DIPK2B: variants seen among roughly 807,000 people sequenced by gnomAD.
The protein encoded by DIPK2B is divergent protein kinase domain 2B, also known as UPF0672 protein CXorf36.
Under a neutral mutation model 22.2 loss-of-function variants are expected in DIPK2B, and 15 were observed. The observed-to-expected ratio is 0.68, with a 90% CI of 0.45 to 1.04. The LOEUF is 1.04. DIPK2B is among the 50% of genes least tolerant of loss of function. DIPK2B has a pLI of 0.00. For synonymous variants in DIPK2B, 163 were observed against 153.2 expected, an observed-to-expected ratio of 1.06 and a Z score of -0.47; for missense variants, 345 against 348.3, an observed-to-expected ratio of 0.99 and a Z score of 0.08.
intron 1 of DIPK2B, among the ~76,000 whole-genome samples, chrX:45,192,418 A>T (rs1277401364): frequency 9.0e-6 from 1 of 110,883 alleles, no homozygotes; most frequent in Non-Finnish European, 1.9e-5. Flanking sequence ...AAGGTCAGAC[A>T]ATATGTTGCC....
rs755230493 is a variant in DIPK2B, at chrX:45,187,303, C to A, written c.498+4448G>T. Among the ~76,000 whole-genome samples the A allele has an allele frequency of 4.4e-5, 5 of 112,425 alleles. No homozygotes were observed. The East Asian group carries it at 1.4e-3, about 32-fold the overall frequency. On this transcript the variant is annotated intron_variant, in intron 2 of 4. Transcript: ENST00000398000. ...GAAGCCTTCTTTGTGGTTTTGTGAA[C>A]AAGCACCTTATCATAAACTCTGAGC...
At chrX:45,178,971 G>A (rs1240040699) in intron 2 of DIPK2B, among the ~76,000 whole-genome samples, 1 of 111,358 alleles carries the variant, frequency 9.0e-6, no homozygotes, top group Admixed American at 9.6e-5. Flanking sequence ...CATGTCTTAG[G>A]AGTAAGGGTG....
chrX:45,197,204 T>TGA (rs991298422), intron 1 of DIPK2B, among the ~76,000 whole-genome samples: 15 of 109,857 alleles, frequency 1.4e-4, no homozygotes, highest in African/African-American at 2.7e-4. Flanking sequence ...TTTTTTTTTT[T>TGA]GAGAGAGAGT....
intron 1 of DIPK2B, among the ~76,000 whole-genome samples, chrX:45,192,651 CA>C (rs1176791651): frequency 8.9e-6 from 1 of 111,860 alleles, no homozygotes; most frequent in East Asian, 2.8e-4. Context: ...TCAGCACCAA[CA>C]AAGTCTCAGG....
chrX:45,163,736 A>G, intron 2 of DIPK2B: 5 of 758,065 alleles, frequency 6.6e-6, no homozygotes, highest in Non-Finnish European at 7.8e-6. Context: ...TTCATCCATC[A>G]CTAGGGCAAG....
intron 2 of DIPK2B, among the ~76,000 whole-genome samples, chrX:45,172,542 CTCTT>C (rs1415301204): frequency 6.3e-5 from 7 of 111,235 alleles, no homozygotes; most frequent in Non-Finnish European, 1.1e-4. Context: ...CTATTAAAGA[CTCTT>C]TCTTTCCTCT....
At chrX:45,163,436 G>A (rs1039739641) in intron 2 of DIPK2B, 22 of 751,685 alleles carry the variant, frequency 2.9e-5, no homozygotes, top group Middle Eastern at 7.5e-4. Flanking sequence ...AATGAAGACC[G>A]AAATCTAGAT....
At chrX:45,189,549 G>A (rs933305169) in intron 2 of DIPK2B, among the ~76,000 whole-genome samples, 2 of 111,801 alleles carry the variant, frequency 1.8e-5, no homozygotes, top group African/African-American at 3.3e-5. Context: ...GGAGGCAGAG[G>A]TTGCACTGAG....
In DIPK2B at chrX:45,195,246, C is replaced by T. The variant is rs927795108; in HGVS notation, c.234-3231G>A. ...AACCACAAAACAGAGACAGCATTCT[C>T]ATCTTCCTTCTAAATTGAGATCATG... On this transcript the variant is annotated intron_variant, in intron 1 of 4. Transcript: ENST00000398000. Among the ~76,000 whole-genome samples, 3 of 111,839 alleles carry T rather than the reference C, an allele frequency of 2.7e-5. No individual in the cohort carries two copies. The Admixed American group carries it at 2.8e-4, about 11-fold the overall frequency.
chrX:45,182,066 C>A (rs4641192), intron 2 of DIPK2B, among the ~76,000 whole-genome samples: 3,066 of 76,938 alleles, frequency 0.04, 131 homozygotes, highest in African/African-American at 0.13. Context: ...GACAGAGACA[C>A]CCTGTCTCAA....
intron 2 of DIPK2B, among the ~76,000 whole-genome samples, chrX:45,189,435 G>C (rs781101582): frequency 1.8e-5 from 2 of 111,395 alleles, no homozygotes; most frequent in South Asian, 3.8e-4. Flanking sequence ...CCAATATGGT[G>C]AAACTCTGTC....
chrX:45,170,330 G>C (rs2047074232), intron 2 of DIPK2B, among the ~76,000 whole-genome samples: 1 of 111,063 alleles, frequency 9.0e-6, no homozygotes, highest in Non-Finnish European at 1.9e-5. Context: ...TGTGGCCCAG[G>C]GACAGGTGGC....
intron 2 of DIPK2B, among the ~76,000 whole-genome samples, chrX:45,166,071 G>A (rs2047047289): frequency 8.9e-6 from 1 of 111,832 alleles, no homozygotes; most frequent in African/African-American, 3.3e-5. Flanking sequence ...CTAATGAGCT[G>A]TTGGTAAAGA....
At chrX:45,163,965 C>T (rs965244298) in intron 2 of DIPK2B, 79 of 946,021 alleles carry the variant, frequency 8.4e-5, no homozygotes, top group Non-Finnish European at 9.9e-5. Flanking sequence ...TGGAAAGAGC[C>T]GGGGCTTTGG....
rs762579284 is a variant in DIPK2B at position 45,195,068 on chromosome X, C to T, written c.234-3053G>A. Among the ~76,000 whole-genome samples, 35 of 112,496 alleles carry T rather than the reference C, an allele frequency of 3.1e-4. No individual in the cohort carries two copies. The Admixed American group carries it at 3.3e-3, about 11-fold the overall frequency. On this transcript the variant is annotated intron_variant, in intron 1 of 4. Transcript: ENST00000398000. ...ACAAGATTGCAGGATGCACTTCTCC[C>T]CTTATTCAAAATGGTAATAAATTTA...
intron 1 of DIPK2B, 79 bp downstream of exon 1, chrX:45,200,514 CT>C (rs1407293478): frequency 2.1e-5 from 20 of 935,863 alleles, no homozygotes; most frequent in Non-Finnish European, 3.0e-5. Flanking sequence ...ATCCTGATTC[CT>C]TTTCAACAAA....
At chrX:45,173,818 G>A (rs746306529) in intron 2 of DIPK2B, among the ~76,000 whole-genome samples, 39 of 110,516 alleles carry the variant, frequency 3.5e-4, no homozygotes, top group Non-Finnish European at 5.1e-4. Flanking sequence ...CGATCCTCCC[G>A]CCTTGGCCTC....
At chrX:45,167,729 G>A (rs189101887) in intron 2 of DIPK2B, among the ~76,000 whole-genome samples, 131 of 110,294 alleles carry the variant, frequency 1.2e-3, no homozygotes, top group Non-Finnish European at 1.9e-3. Flanking sequence ...CAGTCACCCA[G>A]GCTGGAGTGC....
In DIPK2B at chrX:45,188,734, CA is replaced by C. The variant is rs1377598862; in HGVS notation, c.498+3016del. 2.7e-5 allele frequency among the ~76,000 whole-genome samples: 3 copies of C among 112,056 alleles called. No individual in the cohort carries two copies. The Admixed American group carries it at 2.8e-4, about 11-fold the overall frequency. On this transcript the variant is annotated intron_variant, in intron 2 of 4. Coordinates refer to ENST00000398000, the MANE Select transcript of DIPK2B (RefSeq NM_176819.4). ...AGAAATCCTGTACCCATTAAACAGT[CA>C]CTCCCAATTCTCCCCTCCCCTCAGC...
Sources: gnomAD v4.1 joint callset for allele counts (sites outside exome capture counted in the v4.1 genomes callset) on GRCh38, gnomAD v4.1.1 for gene constraint, MANE v1.5 for transcripts, NCBI Gene and HGNC (gene_info 2026-07-23, HGNC 2026-07-21) for gene names.